Variants in ASB4 observed in about 807,000 individuals in gnomAD.
ASB4 encodes ankyrin repeat and SOCS box containing 4.
Under a neutral mutation model 38.6 loss-of-function variants are expected in ASB4, and 35 were observed. The ratio of observed to expected loss-of-function variants is 0.91; its 90% CI spans 0.69 to 1.20. The LOEUF (loss-of-function observed/expected upper bound fraction) is 1.20, where lower values mean the gene tolerates loss of function less well. ASB4 is among the 50% of genes most tolerant of loss of function. The pLI, the probability that ASB4 is intolerant of heterozygous loss-of-function variation, is 0.00. For synonymous variants in ASB4, 195 were observed against 201.3 expected, an observed-to-expected ratio of 0.97 and a Z score of 0.26; for missense variants, 557 against 527.2, an observed-to-expected ratio of 1.06 and a Z score of -0.55.
Position 95,493,543 on chromosome 7 carries a change from A to C in ASB4, c.188-2215A>C, listed in dbSNP as rs567961119. Among the ~76,000 whole-genome samples the C allele has an allele frequency of 2.0e-5, 3 of 152,272 alleles. No homozygotes were observed. The South Asian group carries it at 6.2e-4, about 32-fold the overall frequency. On this transcript the variant is annotated intron_variant, in intron 1 of 4. Coordinates refer to ENST00000325885, the MANE Select transcript of ASB4 (RefSeq NM_016116.3). ...TTAAATTATTTTTTCCCCTCTGGACAGAGAGACAATAGCTTATTTTGATTT... is the reference window on the plus strand; with the variant it reads ...TTAAATTATTTTTTCCCCTCTGGACCGAGAGACAATAGCTTATTTTGATTT...
At chr7:95,536,168 A>C (rs1790886925) in intron 3 of ASB4, among the ~76,000 whole-genome samples, 1 of 152,040 alleles carries the variant, frequency 6.6e-6, no homozygotes, top group Non-Finnish European at 1.5e-5. Flanking sequence ...AAGGCGTGAG[A>C]CTTCTGAAAA....
chr7:95,537,053 T>C (rs192579940), intron 4 of ASB4, among the ~76,000 whole-genome samples: 2 of 152,328 alleles, frequency 1.3e-5, no homozygotes, highest in African/African-American at 2.4e-5. Context: ...TCCTTCCCAC[T>C]GAACACCCTT....
chr7:95,535,713 T>C (rs964669214), intron 3 of ASB4, among the ~76,000 whole-genome samples: 9 of 152,232 alleles, frequency 5.9e-5, no homozygotes, highest in African/African-American at 2.2e-4. Context: ...TAATAAACTA[T>C]TAAACAGAGT....
At chr7:95,485,714 C>T (rs1215739523), upstream of ASB4, among the ~76,000 whole-genome samples, 5 of 152,050 alleles carry the variant, frequency 3.3e-5, no homozygotes, top group South Asian at 2.1e-4. Context: ...AAATGTATCA[C>T]GGGGGCTTTC....
downstream of ASB4, chr7:95,544,209 C>A (rs879348411): frequency 1.3e-5 from 2 of 151,952 alleles, no homozygotes; most frequent in Admixed American, 1.3e-4. Context: ...ATGTTTCTTC[C>A]AGGGCATCAG....
chr7:95,485,424 C>G (rs540587439), upstream of ASB4, among the ~76,000 whole-genome samples: 1 of 152,202 alleles, frequency 6.6e-6, no homozygotes, highest in East Asian at 1.9e-4. Context: ...TTTTTCAAGT[C>G]TAGGTCACTT....
upstream of ASB4, among the ~76,000 whole-genome samples, chr7:95,477,921 A>T (rs1585789200): frequency 6.7e-6 from 1 of 149,538 alleles, no homozygotes; most frequent in South Asian, 2.1e-4. Context: ...TTGTTGTGCA[A>T]TTTTTTTTTT....
downstream of ASB4, chr7:95,543,987 C>T (rs187374971): frequency 6.6e-6 from 1 of 152,144 alleles, no homozygotes; most frequent in East Asian, 1.9e-4. Flanking sequence ...TTTATCATTA[C>T]TCTTTTCTTC....
At chr7:95,548,813 G>C in the ASB4 span, among the ~76,000 whole-genome samples, 1 of 152,242 alleles carries the variant, frequency 6.6e-6, no homozygotes, top group South Asian at 2.1e-4. Context: ...TAGCAAACCT[G>C]ACATGGAAAA....
chr7:95,531,468 C>T (rs903084290), intron 3 of ASB4, among the ~76,000 whole-genome samples: 3 of 152,180 alleles, frequency 2.0e-5, no homozygotes, highest in Admixed American at 6.5e-5. Flanking sequence ...TCACTTTATC[C>T]ATGAATAGTA....
upstream of ASB4, among the ~76,000 whole-genome samples, chr7:95,481,461 T>C (rs1456132674): frequency 1.3e-5 from 2 of 152,192 alleles, no homozygotes; most frequent in Non-Finnish European, 1.5e-5. Context: ...TAATCATCCA[T>C]TTCTGTAATA....
At chr7:95,487,548 G>A (rs1431245218) in intron 1 of ASB4, among the ~76,000 whole-genome samples, 2 of 152,178 alleles carry the variant, frequency 1.3e-5, no homozygotes, top group Non-Finnish European at 2.9e-5. Context: ...CACAGATTGT[G>A]GGAAGTTTCT....
chr7:95,507,410 C>G (rs552665536), intron 2 of ASB4, among the ~76,000 whole-genome samples: 1 of 151,932 alleles, frequency 6.6e-6, no homozygotes, highest in South Asian at 2.1e-4. Flanking sequence ...TACTCCTGTG[C>G]GAAGTCTTAG....
At chr7:95,530,314 A>C (rs1562821934) in intron 3 of ASB4, among the ~76,000 whole-genome samples, 1 of 151,978 alleles carries the variant, frequency 6.6e-6, no homozygotes, top group Non-Finnish European at 1.5e-5. Flanking sequence ...AAATACAAAA[A>C]ATTAGCTGGG....
At chr7:95,531,710 G>T (rs937229668) in intron 3 of ASB4, among the ~76,000 whole-genome samples, 1 of 152,084 alleles carries the variant, frequency 6.6e-6, no homozygotes, top group African/African-American at 2.4e-5. Context: ...ACTAAATGTT[G>T]ACTTGTATTC....
chr7:95,486,374 T>C (rs948689420), intron 1 of ASB4, among the ~76,000 whole-genome samples: 4 of 151,696 alleles, frequency 2.6e-5, no homozygotes, highest in Non-Finnish European at 5.9e-5. Flanking sequence ...TTTCCCACCC[T>C]TGGGCCTAGG....
At chr7:95,544,939 C>T (rs555789130), downstream of ASB4, among the ~76,000 whole-genome samples, 48 of 152,232 alleles carry the variant, frequency 3.2e-4, no homozygotes, top group African/African-American at 1.1e-3. Context: ...CCACCTGTCT[C>T]GGCCTTCCAA....
downstream of ASB4, among the ~76,000 whole-genome samples, chr7:95,544,777 C>A (rs1445083737): frequency 2.0e-5 from 3 of 152,136 alleles, no homozygotes; most frequent in Non-Finnish European, 4.4e-5. Flanking sequence ...TCACTGCAAC[C>A]TCCGCTTCCC....
intron 3 of ASB4, among the ~76,000 whole-genome samples, chr7:95,529,770 G>A (rs1790793831): frequency 6.6e-6 from 1 of 152,220 alleles, no homozygotes; most frequent in Admixed American, 6.5e-5. Flanking sequence ...GCTCTAAATA[G>A]GTTTTATACA....
Sources: allele counts gnomAD v4.1 joint callset (sites outside exome capture counted in the v4.1 genomes callset), GRCh38; gene constraint gnomAD v4.1.1; transcripts MANE v1.5; gene names NCBI Gene and HGNC (gene_info 2026-07-23, HGNC 2026-07-21).